The following MAPK10 variants were observed in gnomAD, a reference collection of about 807,000 sequenced individuals.
The protein encoded by MAPK10 is JNK3 alpha protein kinase.
MAPK10 carries 25 observed loss-of-function variants against 59.3 expected under a neutral mutation model. The observed-to-expected ratio is 0.42, with a 90% CI of 0.31 to 0.59. The LOEUF (loss-of-function observed/expected upper bound fraction) is 0.59. MAPK10 is among the 20% of genes least tolerant of loss of function. The pLI is 0.15. For synonymous variants in MAPK10, 190 were observed against 200.5 expected, an observed-to-expected ratio of 0.95 and a Z score of 0.44; for missense variants, 351 against 568.9, an observed-to-expected ratio of 0.62 and a Z score of 3.90.
At chr4:86,526,994 G>C (rs1230288312) in intron 1 of MAPK10, among the ~76,000 whole-genome samples, 1 of 151,996 alleles carries the variant, frequency 6.6e-6, no homozygotes, top group Non-Finnish European at 1.5e-5. Flanking sequence ...GTCAATCTTG[G>C]AGTAGGTTCC....
chr4:86,270,777 A>G (rs1373715280), intron 2 of MAPK10, among the ~76,000 whole-genome samples: 1 of 152,080 alleles, frequency 6.6e-6, no homozygotes, highest in East Asian at 1.9e-4. Context: ...TCATGCCATG[A>G]GTACTTTTTT....
chr4:86,343,994 C>G (rs1726635038), intron 2 of MAPK10, among the ~76,000 whole-genome samples: 1 of 151,980 alleles, frequency 6.6e-6, no homozygotes, highest in Non-Finnish European at 1.5e-5. Flanking sequence ...ATGGTAAATA[C>G]CAGTGGCTAC....
At chr4:86,545,424 T>G (rs775744299) in intron 1 of MAPK10, among the ~76,000 whole-genome samples, 17 of 152,208 alleles carry the variant, frequency 1.1e-4, no homozygotes, top group Non-Finnish European at 1.5e-5. Flanking sequence ...TGCTCTCTTC[T>G]GAGAACTTTC....
chr4:86,432,223 GCCCATTCAGT>G (rs971568918), intron 1 of MAPK10, among the ~76,000 whole-genome samples: 38 of 152,224 alleles, frequency 2.5e-4, no homozygotes, highest in African/African-American at 8.7e-4. Context: ...CCAAGAAGAG[GCCCATTCAGT>G]CAGTTGGGGG....
At chr4:86,313,181 T>A (rs1457434417) in intron 2 of MAPK10, among the ~76,000 whole-genome samples, 1 of 152,094 alleles carries the variant, frequency 6.6e-6, no homozygotes, top group Non-Finnish European at 1.5e-5. Context: ...TGGTTCTGCA[T>A]CCATTGAATC....
intron 1 of MAPK10, among the ~76,000 whole-genome samples, chr4:86,420,884 C>T (rs1422716627): frequency 6.6e-6 from 1 of 152,010 alleles, no homozygotes; most frequent in Non-Finnish European, 1.5e-5. Context: ...GAGTATGAGA[C>T]CAGCCTGGCC....
chr4:86,204,139 T>C (rs2083282241), intron 2 of MAPK10, among the ~76,000 whole-genome samples: 1 of 151,966 alleles, frequency 6.6e-6, no homozygotes, highest in South Asian at 2.1e-4. Flanking sequence ...TACTTATTAG[T>C]TGGCCTTTAT....
chr4:86,212,271 A>G (rs892038184), intron 2 of MAPK10, among the ~76,000 whole-genome samples: 4 of 152,096 alleles, frequency 2.6e-5, no homozygotes, highest in African/African-American at 9.7e-5. Flanking sequence ...TGCATCTAGC[A>G]CTTTGGGAGG....
At chr4:86,474,498 GA>G (rs1564921124) in intron 1 of MAPK10, among the ~76,000 whole-genome samples, 1 of 152,164 alleles carries the variant, frequency 6.6e-6, no homozygotes, top group African/African-American at 2.4e-5. Flanking sequence ...AGAGAGGTCC[GA>G]AAGTTATTCA....
At position 86,016,443 on chromosome 4, in the gene MAPK10, C is replaced by G. The variant is rs893786782; in HGVS notation, c.*785G>C. 5 of 152,638 alleles carry G rather than the reference C, an allele frequency of 3.3e-5. No homozygotes were observed. Among genetic ancestry groups the G allele is most frequent in the Non-Finnish European group, 7.3e-5 (5 of 68,038 alleles). 9.5% of individuals were successfully genotyped at this position (152,638 alleles called of 1,614,324 possible). On this transcript the variant is annotated 3_prime_UTR_variant, in exon 14 of 14. Transcript: ENST00000641462. ...AAAACTGTTACCCACTCGCCCCACACTTTACATAAGTATCACATATGTTCT... is the reference window on the plus strand; with the variant it reads ...AAAACTGTTACCCACTCGCCCCACAGTTTACATAAGTATCACATATGTTCT...
At chr4:86,362,909 C>T (rs1737240060), upstream of MAPK10, among the ~76,000 whole-genome samples, 2 of 151,910 alleles carry the variant, frequency 1.3e-5, no homozygotes, top group South Asian at 4.2e-4. Context: ...AAACCTACAC[C>T]CAAAGTATGG....
At chr4:86,415,749 A>G (rs1745783164) in intron 1 of MAPK10, among the ~76,000 whole-genome samples, 1 of 152,196 alleles carries the variant, frequency 6.6e-6, no homozygotes. Context: ...GAAGAGTGCT[A>G]AAAATTCAAA....
At position 86,025,606 on chromosome 4, in the gene MAPK10, C is replaced by T. The variant is rs577310730; in HGVS notation, c.1252+3591G>A. 2.4e-4 allele frequency: 96 copies of T among 397,584 alleles called. 2 individuals are homozygous for T. The South Asian group carries it at 0.011, about 47-fold the overall frequency. 24.6% of individuals were successfully genotyped at this position (397,584 alleles called of 1,614,324 possible). On this transcript the variant is annotated intron_variant, in intron 13 of 13. Coordinates refer to ENST00000641462, the MANE Select transcript of MAPK10 (RefSeq NM_138982.4). ...TTTAAGAGAAAACAGTAGAGATACA[C>T]ATTTTCAAAAATGTTTTGCCATCAA...
intron 1 of MAPK10, among the ~76,000 whole-genome samples, chr4:86,561,279 T>C (rs1366347304): frequency 6.6e-6 from 1 of 152,192 alleles, no homozygotes; most frequent in Non-Finnish European, 1.5e-5. Flanking sequence ...TGGGGATCCC[T>C]GTCCTGCAAG....
At chr4:86,275,819 C>T (rs1396706573) in intron 2 of MAPK10, among the ~76,000 whole-genome samples, 2 of 152,010 alleles carry the variant, frequency 1.3e-5, no homozygotes, top group African/African-American at 4.8e-5. Context: ...AAGGCTAAAA[C>T]ATTGTTCCAT....
chr4:86,080,051 C>A (rs2050313639), intron 9 of MAPK10: 1 of 151,872 alleles, frequency 6.6e-6, no homozygotes, highest in Non-Finnish European at 1.5e-5. Flanking sequence ...ACTAATATAT[C>A]TCTGGAGACA....
intron 2 of MAPK10, chr4:86,219,890 C>T (rs971579322): frequency 2.0e-5 from 3 of 152,112 alleles, no homozygotes; most frequent in African/African-American, 7.2e-5. Flanking sequence ...AAACCGTCTA[C>T]AGATAAGTGC....
At chr4:86,428,645 G>A (rs1349462434) in intron 1 of MAPK10, among the ~76,000 whole-genome samples, 1 of 152,120 alleles carries the variant, frequency 6.6e-6, no homozygotes, top group East Asian at 1.9e-4. Flanking sequence ...TTGTCCCTCT[G>A]CCTTGAGAAA....
At chr4:86,141,600 A>G (rs1562258277) in intron 4 of MAPK10, among the ~76,000 whole-genome samples, 1 of 152,222 alleles carries the variant, frequency 6.6e-6, no homozygotes, top group Non-Finnish European at 1.5e-5. Flanking sequence ...TGGGGTAATA[A>G]TAATATAGGC....
Sources: allele counts gnomAD v4.1 joint callset (sites outside exome capture counted in the v4.1 genomes callset), GRCh38; gene constraint gnomAD v4.1.1; transcripts MANE v1.5; gene names NCBI Gene and HGNC (gene_info 2026-07-23, HGNC 2026-07-21).